TDRD7: variants seen among roughly 807,000 people sequenced by gnomAD.
TDRD7 encodes tudor domain-containing protein 7.
In TDRD7, 47 loss-of-function variants were observed where a neutral mutation model predicts 109.8. That is an observed-to-expected ratio of 0.43 (90% CI 0.34 to 0.55). The LOEUF is 0.55. TDRD7 is among the 20% of genes least tolerant of loss of function. The pLI, the probability that TDRD7 is intolerant of heterozygous loss-of-function variation, is 0.03. For synonymous variants in TDRD7, 424 were observed against 457.3 expected (o/e 0.93, Z 0.93); for missense variants, 1,164 against 1,319.2 (o/e 0.88, Z 1.82).
chr9:97,445,816 T>A (rs1442552802), intron 6 of TDRD7, among the ~76,000 whole-genome samples: 1 of 152,136 alleles, frequency 6.6e-6, no homozygotes, highest in African/African-American at 2.4e-5. Flanking sequence ...TCTGGCTGAC[T>A]TTGATTTCTA....
Position 97,487,161 on chromosome 9 carries a change from T to G in TDRD7, c.2916-11T>G, listed in dbSNP as rs1564216609. 1 of 1,613,878 alleles carries G rather than the reference T, an allele frequency of 6.2e-7. No individual in the cohort carries two copies. Among genetic ancestry groups the G allele is most frequent in the Admixed American group, 1.7e-5 (1 of 59,994 alleles). On this transcript the variant is annotated splice_polypyrimidine_tract_variant and intron_variant, in intron 15 of 16. Transcript: ENST00000355295. The stretch of plus-strand genomic sequence containing the variant: ...TGTTTTCTCTTCCTTTTTAATTTAA[T>G]GTACATCTAGGTGGCACAGGGTGCT...
chr9:97,478,580 T>C lies in TDRD7; in HGVS notation c.2301+7T>C, dbSNP rs776098668. 2 of 1,613,836 alleles carry C rather than the reference T, an allele frequency of 1.2e-6. No individual in the cohort carries two copies. The highest frequency in any genetic ancestry group is 2.2e-5 in the South Asian group (2 of 91,074). On this transcript the variant is annotated splice_region_variant and intron_variant, in intron 13 of 16. Coordinates refer to ENST00000355295, the MANE Select transcript of TDRD7 (RefSeq NM_014290.3). Reference sequence around the variant, plus strand: ...GATTGCAATACCACCTCAGGTACTATGTTACCAGCCTGGGAGATTTGCTGG... The same window carrying C: ...GATTGCAATACCACCTCAGGTACTACGTTACCAGCCTGGGAGATTTGCTGG...
chr9:97,459,771 A>G (rs1489891195), intron 6 of TDRD7, among the ~76,000 whole-genome samples: 2 of 152,126 alleles, frequency 1.3e-5, no homozygotes, highest in Non-Finnish European at 2.9e-5. Context: ...TTTTTTCTAA[A>G]TATTTTCTAG....
chr9:97,424,636 G>T (rs564453847), intron 1 of TDRD7, among the ~76,000 whole-genome samples: 2 of 152,170 alleles, frequency 1.3e-5, no homozygotes, highest in African/African-American at 4.8e-5. Flanking sequence ...TGTTTGCATG[G>T]TACATCTTTT....
At chr9:97,420,533 C>A (rs1384140889) in intron 1 of TDRD7, among the ~76,000 whole-genome samples, 1 of 152,152 alleles carries the variant, frequency 6.6e-6, no homozygotes, top group African/African-American at 2.4e-5. Context: ...TAAATAGAAT[C>A]ATGTATGTAG....
chr9:97,450,277 G>A (rs923048281), intron 6 of TDRD7, among the ~76,000 whole-genome samples: 4 of 152,108 alleles, frequency 2.6e-5, no homozygotes, highest in African/African-American at 7.2e-5. Context: ...AAATTACAGA[G>A]CCACAAAACA....
intron 1 of TDRD7, among the ~76,000 whole-genome samples, chr9:97,413,497 C>T (rs1827758701): frequency 1.3e-5 from 2 of 152,184 alleles, no homozygotes; most frequent in Non-Finnish European, 2.9e-5. Flanking sequence ...TCTCTTCCTC[C>T]CAACAAACGG....
chr9:97,467,755 G>A (rs1468876424), intron 8 of TDRD7, among the ~76,000 whole-genome samples: 1 of 152,186 alleles, frequency 6.6e-6, no homozygotes, highest in Non-Finnish European at 1.5e-5. Flanking sequence ...ACTGTTGTGG[G>A]GGAATGGATT....
chr9:97,431,131 G>C (rs981545042), intron 3 of TDRD7, 57 bp downstream of exon 3: 1 of 1,601,642 alleles, frequency 6.2e-7, no homozygotes, highest in East Asian at 2.2e-5. Context: ...CATTATCATA[G>C]GGAATTATGG....
chr9:97,469,767 T>C (rs993473234), intron 8 of TDRD7, among the ~76,000 whole-genome samples: 11 of 152,226 alleles, frequency 7.2e-5, no homozygotes, highest in Non-Finnish European at 1.5e-4. Context: ...AGGCTTTGTG[T>C]TTATATAATC....
rs1282322020 is a variant in TDRD7, at chr9:97,478,485, A to G, written c.2213A>G (p.Asp738Gly). Residue 738 changes from aspartate to glycine, a missense_variant, in exon 13 of 17, where the codon GAC (aspartate) becomes GGC (glycine). Physicochemically the swap from Asp to Gly is moderately conservative, Grantham distance 94 (BLOSUM62 -1). Coordinates refer to ENST00000355295, the MANE Select transcript of TDRD7 (RefSeq NM_014290.3). ...SSRALDVQFL[D>G]SGTVTSVKVS... ...CGGGCTCTTGATGTTCAGTTCCTGG[A>G]CTCTGGCACTGTGACATCTGTAAAA... The G allele has an allele frequency of 2.5e-6, 4 of 1,613,768 alleles. No homozygotes were observed. Among genetic ancestry groups the G allele is most frequent in the Non-Finnish European group, 1.7e-6 (2 of 1,179,948 alleles).
intron 8 of TDRD7, among the ~76,000 whole-genome samples, chr9:97,466,037 G>A (rs1418078026): frequency 6.6e-6 from 1 of 152,114 alleles, no homozygotes; most frequent in East Asian, 1.9e-4. Flanking sequence ...TCTAGATTTT[G>A]CAAGCAGGGA....
chr9:97,464,970 C>A lies in TDRD7; in HGVS notation c.1571C>A (p.Ala524Asp). 1 of 1,614,062 alleles carries A rather than the reference C, an allele frequency of 6.2e-7. No individual in the cohort carries two copies. The highest frequency in any genetic ancestry group is 8.5e-7 in the Non-Finnish European group (1 of 1,180,002). ...VNVGQLLAVN[A>D]EEDAWLRAQV... ...GTTGGGCAGTTGCTGGCCGTAAATG[C>A]CGAGGAGGACGCCTGGTTACGGGCA... The change falls in exon 8 of 17, where the codon GCC becomes GAC. Residue 524 changes from alanine to aspartate, a missense_variant. Around this residue, in one of 5 missense-constraint regions of TDRD7, gnomAD observed 261 missense variants for 336.2 expected, o/e 0.78. Transcript: ENST00000355295.
chr9:97,428,728 T>G, intron 2 of TDRD7, 56 bp downstream of exon 2: 1 of 1,520,842 alleles, frequency 6.6e-7, no homozygotes, highest in Non-Finnish European at 9.1e-7. Context: ...ATTGCCTCTC[T>G]GGCACTTCCA....
intron 1 of TDRD7, among the ~76,000 whole-genome samples, chr9:97,418,072 C>A (rs192019073): frequency 6.6e-6 from 1 of 152,100 alleles, no homozygotes; most frequent in Non-Finnish European, 1.5e-5. Flanking sequence ...TTGCAGTGAG[C>A]GGAGATCACG....
intron 15 of TDRD7, 80 bp downstream of exon 15, chr9:97,483,431 G>T: frequency 6.5e-7 from 1 of 1,539,772 alleles, no homozygotes; most frequent in African/African-American, 1.4e-5. Flanking sequence ...TCTTGGCGGG[G>T]GGACTTCGAA....
intron 5 of TDRD7, 80 bp from the exon 6 acceptor site, chr9:97,441,578 G>T: frequency 7.6e-7 from 1 of 1,310,620 alleles, no homozygotes; most frequent in Non-Finnish European, 1.1e-6. Flanking sequence ...AGCAAAACCT[G>T]AAGATGCAAA....
chr9:97,476,768 T>C (rs1054246109), intron 12 of TDRD7, among the ~76,000 whole-genome samples: 1 of 152,134 alleles, frequency 6.6e-6, no homozygotes, highest in Non-Finnish European at 1.5e-5. Flanking sequence ...ATGCATAATT[T>C]TGTAAGATTC....
At chr9:97,461,189 G>A (rs1456517826) in intron 7 of TDRD7, among the ~76,000 whole-genome samples, 1 of 151,730 alleles carries the variant, frequency 6.6e-6, no homozygotes, top group African/African-American at 2.4e-5. Flanking sequence ...GAGTTATAGT[G>A]AGGCTTAATA....
Sources: gnomAD v4.1 joint callset for allele counts (sites outside exome capture counted in the v4.1 genomes callset) on GRCh38, gnomAD v4.1.1 for gene constraint, gnomAD v4.1.1 regional missense constraint, MANE v1.5 for transcripts, NCBI Gene and HGNC (gene_info 2026-07-23, HGNC 2026-07-21) for gene names.